Variants in MTAP observed in about 807,000 individuals in gnomAD.
MTAP encodes the protein methylthioadenosine phosphorylase, also known as S-methyl-5'-thioadenosine phosphorylase.
Under a neutral mutation model 33.6 loss-of-function variants are expected in MTAP, and 33 were observed. That is an observed-to-expected ratio of 0.98 (90% confidence interval 0.74 to 1.31). The LOEUF (loss-of-function observed/expected upper bound fraction) is 1.31, where lower values mean the gene tolerates loss of function less well. MTAP is among the 40% of genes most tolerant of loss of function. MTAP has a pLI of 0.00. For synonymous variants in MTAP, 148 were observed against 125.7 expected (o/e 1.18, Z -1.19); for missense variants, 367 against 360.0 (o/e 1.02, Z -0.16).
intron 5 of MTAP, among the ~76,000 whole-genome samples, chr9:21,848,819 A>C (rs1825442304): frequency 6.6e-6 from 1 of 152,116 alleles, no homozygotes; most frequent in African/African-American, 2.4e-5. Flanking sequence ...TCAACTACAA[A>C]ACTTAAATAC....
chr9:21,832,507 C>T (rs1271911638), intron 4 of MTAP, among the ~76,000 whole-genome samples: 1 of 152,226 alleles, frequency 6.6e-6, no homozygotes, highest in Non-Finnish European at 1.5e-5. Context: ...CTGAGAATGT[C>T]ACCTCCACCT....
chr9:21,859,717 G>C (rs764139437), intron 7 of MTAP: 1 of 223,852 alleles, frequency 4.5e-6, no homozygotes, highest in Non-Finnish European at 8.6e-6. Context: ...TACTTCAGAA[G>C]ATTGATAGTG....
intron 7 of MTAP, chr9:21,860,518 A>T (rs1472966849): frequency 1.3e-5 from 2 of 152,222 alleles, no homozygotes; most frequent in Non-Finnish European, 1.5e-5. Context: ...TAGGACCTAA[A>T]TGTTATTTAA....
intron 1 of MTAP, among the ~76,000 whole-genome samples, chr9:21,904,346 C>G (rs899700741): frequency 6.6e-6 from 1 of 152,208 alleles, no homozygotes; most frequent in Non-Finnish European, 1.5e-5. Context: ...AACAAAAATG[C>G]CTGTCCTCGC....
chr9:21,835,253 G>T (rs1216693968), intron 4 of MTAP, among the ~76,000 whole-genome samples: 1 of 152,164 alleles, frequency 6.6e-6, no homozygotes, highest in East Asian at 1.9e-4. Context: ...CATCTTGTGA[G>T]TTTGGATTTC....
chr9:21,904,192 C>T (rs1307566018), intron 1 of MTAP, among the ~76,000 whole-genome samples: 1 of 152,186 alleles, frequency 6.6e-6, no homozygotes, highest in African/African-American at 2.4e-5. Flanking sequence ...CTCCTCTCAA[C>T]ATCCAGCTGC....
In MTAP at chr9:21,818,130, C is replaced by T. The variant is rs776415365; in HGVS notation, c.275C>T (p.Thr92Ile). Reference sequence around the variant, plus strand: ...GAGGGCTGTACACATGTCATAGTGACCACAGCTTGTGGCTCCTTGAGGGAG... The same window carrying T: ...GAGGGCTGTACACATGTCATAGTGATCACAGCTTGTGGCTCCTTGAGGGAG... ...KEEGCTHVIV[T>I]TACGSLREEI... Residue 92 changes from threonine to isoleucine, a missense_variant, in exon 4 of 8, where the codon ACC (threonine) becomes ATC (isoleucine). Thr to Ile is a moderately conservative substitution (Grantham distance 89, BLOSUM62 -1). Coordinates refer to ENST00000644715, the MANE Select transcript of MTAP (RefSeq NM_002451.4). 6.2e-7 allele frequency: 1 copy of T among 1,613,948 alleles called. No individual in the cohort carries two copies. Among genetic ancestry groups the T allele is most frequent in the East Asian group, 2.2e-5 (1 of 44,864 alleles).
chr9:21,867,011 A>G lies in MTAP; in HGVS notation c.*4997A>G, dbSNP rs570299330. On this transcript the variant is annotated 3_prime_UTR_variant, in exon 8 of 8. Transcript: ENST00000644715. ...TCATTTTTAAGTTTATTGCTGGTATACAGAAATATGTTTTATTTTTGTATA... is the reference window on the plus strand; with the variant it reads ...TCATTTTTAAGTTTATTGCTGGTATGCAGAAATATGTTTTATTTTTGTATA... 2.0e-4 allele frequency: 31 copies of G among 152,294 alleles called. No individual in the cohort carries two copies. Among genetic ancestry groups the G allele is most frequent in the Non-Finnish European group, 4.0e-4 (27 of 68,012 alleles). 9.4% of individuals were successfully genotyped at this position (152,294 alleles called of 1,614,324 possible).
chr9:21,836,521 T>C (rs533735327), intron 4 of MTAP, among the ~76,000 whole-genome samples: 101 of 152,238 alleles, frequency 6.6e-4, no homozygotes, highest in African/African-American at 2.4e-3. Context: ...ATCATAGTTA[T>C]AAGTGGGATG....
intron 1 of MTAP, among the ~76,000 whole-genome samples, chr9:21,814,839 C>T (rs1017495395): frequency 1.3e-5 from 2 of 152,150 alleles, no homozygotes; most frequent in Non-Finnish European, 2.9e-5. Flanking sequence ...TGATTGTTTT[C>T]ATAAATGTAT....
chr9:21,846,946 C>T (rs1366612319), intron 5 of MTAP, among the ~76,000 whole-genome samples: 1 of 152,098 alleles, frequency 6.6e-6, no homozygotes, highest in Non-Finnish European at 1.5e-5. Flanking sequence ...AGTATTGATC[C>T]TGGGTGTGTC....
At chr9:21,840,788 C>T (rs974240508) in intron 5 of MTAP, among the ~76,000 whole-genome samples, 1 of 152,164 alleles carries the variant, frequency 6.6e-6, no homozygotes, top group Admixed American at 6.5e-5. Context: ...GCAGCAGATA[C>T]AAGTGAGTAC....
intron 1 of MTAP, among the ~76,000 whole-genome samples, chr9:21,905,184 A>G (rs1250629426): frequency 3.3e-5 from 5 of 152,158 alleles, no homozygotes; most frequent in Non-Finnish European, 7.4e-5. Flanking sequence ...GTATTGGAAA[A>G]ATCAGATCAC....
At chr9:21,892,544 G>T (rs1190020096) in intron 1 of MTAP, 3 of 152,188 alleles carry the variant, frequency 2.0e-5, no homozygotes, top group Non-Finnish European at 4.4e-5. Flanking sequence ...TAATGATAAA[G>T]GGTTTAATTC....
intron 1 of MTAP, among the ~76,000 whole-genome samples, chr9:21,879,326 A>G (rs553411769): frequency 1.3e-4 from 20 of 152,028 alleles, no homozygotes; most frequent in African/African-American, 3.6e-4. Context: ...ATCTTTTTCT[A>G]TCTTTATTGG....
intron 4 of MTAP, among the ~76,000 whole-genome samples, chr9:21,828,181 G>C (rs909183130): frequency 3.9e-5 from 6 of 152,146 alleles, no homozygotes; most frequent in African/African-American, 1.2e-4. Context: ...CTATTTTTCT[G>C]TTTATGAGAC....
intron 4 of MTAP, among the ~76,000 whole-genome samples, chr9:21,836,588 G>A (rs765656911): frequency 2.4e-4 from 37 of 152,182 alleles, no homozygotes; most frequent in Non-Finnish European, 4.0e-4. Context: ...AGTTGAGTAC[G>A]TGTCACCGTT....
intron 5 of MTAP, among the ~76,000 whole-genome samples, chr9:21,844,988 G>A (rs940824630): frequency 3.4e-5 from 5 of 146,712 alleles, no homozygotes; most frequent in Admixed American, 1.4e-4. Context: ...CTGAGATCAC[G>A]CCACTGCACT....
In MTAP at chr9:21,864,569, CA is replaced by C; in HGVS notation, c.*2556del. On this transcript the variant is annotated 3_prime_UTR_variant, in exon 8 of 8. Transcript: ENST00000644715. Reference sequence around the variant, plus strand: ...TGGATTTTCATGGTTTTGAGAATGACATCCTGGCCCTGTGGTCCCCGAGGGT... The same window carrying C: ...TGGATTTTCATGGTTTTGAGAATGACTCCTGGCCCTGTGGTCCCCGAGGGT... 1.0e-6 allele frequency: 1 copy of C among 985,522 alleles called. No individual in the cohort carries two copies. The allele number at this position is 985,522 out of a possible 1,614,324, so 61.0% of individuals were successfully genotyped here.
Sources: allele counts gnomAD v4.1 joint callset (sites outside exome capture counted in the v4.1 genomes callset), GRCh38; gene constraint gnomAD v4.1.1; transcripts MANE v1.5; gene names NCBI Gene and HGNC (gene_info 2026-07-23, HGNC 2026-07-21).